FGD5: variants seen among roughly 807,000 people sequenced by gnomAD.
FGD5 encodes the protein FYVE, RhoGEF and PH domain containing 5.
In FGD5, 28 loss-of-function variants were observed where a neutral mutation model predicts 133.4. The observed-to-expected ratio is 0.21, with a 90% CI of 0.16 to 0.29. FGD5 has a LOEUF of 0.29. FGD5 is among the 10% of genes least tolerant of loss of function. The pLI is 1.00. For synonymous variants in FGD5, 810 were observed against 776.5 expected (o/e 1.04, Z -0.72); for missense variants, 1,858 against 1,895.2 (o/e 0.98, Z 0.36).
In FGD5 at chr3:14,922,250, G is replaced by A. The variant is rs531522086; in HGVS notation, c.3670-161G>A. On this transcript the variant is annotated intron_variant, in intron 14 of 19. Transcript: ENST00000285046. This position sits in a 1 kb window ranked among gnomAD's most constrained non-coding sequence, Gnocchi z 4.1. ...CAGTCTGGCTGTTTCCCAACCAAGG[G>A]TGAGCATCCTGGAGGGTGCAGGAGA... 600 of 1,148,972 alleles carry A rather than the reference G, an allele frequency of 5.2e-4. 8 individuals are homozygous for A. The South Asian group carries it at 8.4e-3, about 16-fold the overall frequency. 71.2% of individuals were successfully genotyped at this position (1,148,972 alleles called of 1,614,324 possible). A position where few individuals can be genotyped will look rare whatever the true frequency, so the allele number is the denominator to read the frequency against.
chr3:14,849,077 A>G (rs1009530588), intron 1 of FGD5, among the ~76,000 whole-genome samples: 1 of 152,178 alleles, frequency 6.6e-6, no homozygotes, highest in Non-Finnish European at 1.5e-5. Context: ...TGACAAGAGC[A>G]TGTGTGCACT....
intron 1 of FGD5, among the ~76,000 whole-genome samples, chr3:14,823,947 T>A (rs2036554771): frequency 6.6e-6 from 1 of 152,246 alleles, no homozygotes; most frequent in African/African-American, 2.4e-5. Flanking sequence ...GGATCGTGAC[T>A]GTTTACTGCG....
At chr3:14,863,822 C>G (rs963011707) in intron 1 of FGD5, among the ~76,000 whole-genome samples, 1 of 152,220 alleles carries the variant, frequency 6.6e-6, no homozygotes, top group Non-Finnish European at 1.5e-5. Context: ...CCCAGACCAC[C>G]CAGATTCAAC....
Position 14,819,770 on chromosome 3 carries a change from G to A in FGD5, c.699G>A (p.Ser233=), listed in dbSNP as rs752911103. 3 of 1,548,226 alleles carry A rather than the reference G, an allele frequency of 1.9e-6. No individual in the cohort carries two copies. Among genetic ancestry groups the A allele is most frequent in the Non-Finnish European group, 1.7e-6 (2 of 1,146,108 alleles). ...STDPAGADEG[S]GPDRPTEDMG... ...ACCCAGCAGGGGCAGATGAGGGTTC[G>A]GGTCCTGACAGGCCCACGGAGGACA... is the stretch of plus-strand genomic sequence containing the variant. Residue 233 remains serine (S), a synonymous_variant, in exon 1 of 20, where the codon TCG becomes TCA. Transcript: ENST00000285046. This position sits in a 1 kb window ranked among gnomAD's most constrained non-coding sequence, Gnocchi z 4.1.
At chr3:14,890,453 A>G (rs1042133524) in intron 4 of FGD5, among the ~76,000 whole-genome samples, 3 of 152,164 alleles carry the variant, frequency 2.0e-5, no homozygotes, top group African/African-American at 4.8e-5. Flanking sequence ...TATTTGCTGA[A>G]TGAATAAAGG....
At chr3:14,862,020 G>A (rs2037407242) in intron 1 of FGD5, among the ~76,000 whole-genome samples, 1 of 152,160 alleles carries the variant, frequency 6.6e-6, no homozygotes, top group Non-Finnish European at 1.5e-5. Context: ...GGCCAGCAGA[G>A]GCTGTGCTAG....
chr3:14,926,038 G>A (rs769667096), intron 17 of FGD5, 32 bp from the exon 18 acceptor site: 1 of 1,611,662 alleles, frequency 6.2e-7, no homozygotes, highest in Non-Finnish European at 8.5e-7. Flanking sequence ...GACCACCGGG[G>A]TGGGCTGACC....
chr3:14,858,393 GGATA>G (rs1341887910), intron 1 of FGD5, among the ~76,000 whole-genome samples: 1 of 151,376 alleles, frequency 6.6e-6, no homozygotes, highest in Non-Finnish European at 1.5e-5. Context: ...ATGGATGGAT[GGATA>G]GATAGATGAA....
intron 4 of FGD5, among the ~76,000 whole-genome samples, chr3:14,889,748 G>A (rs567155585): frequency 6.6e-6 from 1 of 152,266 alleles, no homozygotes; most frequent in African/African-American, 2.4e-5. Context: ...TGCTGATTGT[G>A]TAGTGGTGTC....
chr3:14,910,966 C>T (rs1347506803), intron 11 of FGD5, 37 bp downstream of exon 11: 16 of 1,589,718 alleles, frequency 1.0e-5, no homozygotes, highest in Non-Finnish European at 1.3e-5. Flanking sequence ...TCAGGAACTG[C>T]CAAGTTCTAT....
chr3:14,897,056 G>A, intron 4 of FGD5: 1 of 170,558 alleles, frequency 5.9e-6, no homozygotes. Flanking sequence ...TTTAGTGACA[G>A]CTTAATATAC....
At chr3:14,843,891 C>T (rs540772032) in intron 1 of FGD5, among the ~76,000 whole-genome samples, 2 of 151,614 alleles carry the variant, frequency 1.3e-5, no homozygotes, top group African/African-American at 4.8e-5. Flanking sequence ...GATGGGTTTT[C>T]GCCATGTTGG....
chr3:14,853,177 T>C (rs774339109), intron 1 of FGD5, among the ~76,000 whole-genome samples: 11 of 152,296 alleles, frequency 7.2e-5, no homozygotes, highest in Non-Finnish European at 2.9e-5. Flanking sequence ...AAGATTGCAA[T>C]GTCCCTGTGA....
intron 10 of FGD5, among the ~76,000 whole-genome samples, chr3:14,910,089 A>G (rs2038418610): frequency 6.6e-6 from 1 of 152,138 alleles, no homozygotes; most frequent in Non-Finnish European, 1.5e-5. Flanking sequence ...TCATGAAGCC[A>G]AATTTGCAAA....
rs1398567533 is a variant in FGD5, at chr3:14,934,516, G to A, written c.*1349G>A. 6.6e-6 allele frequency: 1 copy of A among 152,066 alleles called. No individual in the cohort carries two copies. Among genetic ancestry groups the A allele is most frequent in the African/African-American group, 2.4e-5 (1 of 41,396 alleles). The allele number at this position is 152,066 out of a possible 1,614,324, so 9.4% of individuals were successfully genotyped here. ...ATTTTCAGGGGAATTTTTTTTTCCAGTTTGCAGTTCTTTTAAAATGTTTGC... is the reference window on the plus strand; with the variant it reads ...ATTTTCAGGGGAATTTTTTTTTCCAATTTGCAGTTCTTTTAAAATGTTTGC... On this transcript the variant is annotated 3_prime_UTR_variant, in exon 20 of 20. Transcript: ENST00000285046.
intron 1 of FGD5, chr3:14,810,965 C>G: frequency 3.2e-6 from 3 of 928,016 alleles, no homozygotes; most frequent in Non-Finnish European, 3.9e-6. Context: ...GCTAGCTGCC[C>G]GAAATCCTCC....
rs1272478513 is a variant in FGD5, at chr3:14,922,463, C to T, written c.3722C>T (p.Pro1241Leu). The T allele has an allele frequency of 1.3e-6, 2 of 1,575,362 alleles. No individual in the cohort carries two copies. The highest frequency in any genetic ancestry group is 1.7e-6 in the Non-Finnish European group (2 of 1,160,694). Residue 1241 changes from proline (P) to leucine (L), a missense_variant, in exon 15 of 20, where the codon CCT (proline) becomes CTT (leucine). Transcript: ENST00000285046. The surrounding 1 kb of genome is among the most constrained non-coding windows in gnomAD (Gnocchi z 4.1). The stretch of plus-strand genomic sequence containing the variant: ...GGGGAGAGGCCCCCCACCCTGGTGC[C>T]TGTCACACACGTCATGATGTGCATG... ...SLGERPPTLV[P>L]VTHVMMCMNC...
rs575772837 is a variant in FGD5, at chr3:14,824,244, G to A, written c.2525+2648G>A. Among the ~76,000 whole-genome samples the A allele has an allele frequency of 5.9e-5, 9 of 152,344 alleles. 1 individual carries two copies. In the East Asian group the frequency reaches 1.3e-3, roughly 23 times the overall value. The stretch of plus-strand genomic sequence containing the variant: ...CCCACTTTGGGCTGGAGCAGGTCTG[G>A]GCAAGGGAGGTTTGAGACGCATATC... On this transcript the variant is annotated intron_variant, in intron 1 of 19. Transcript: ENST00000285046.
At chr3:14,817,994 C>G (rs924142247), upstream of FGD5, among the ~76,000 whole-genome samples, 32 of 152,108 alleles carry the variant, frequency 2.1e-4, no homozygotes, top group African/African-American at 7.5e-4. Flanking sequence ...CTCATTTGAC[C>G]GTTCCCCTTC....
Sources: gnomAD v4.1 joint callset for allele counts (sites outside exome capture counted in the v4.1 genomes callset) on GRCh38, gnomAD v4.1.1 for gene constraint, Gnocchi (gnomAD v3.1) non-coding constraint, MANE v1.5 for transcripts, NCBI Gene and HGNC (gene_info 2026-07-23, HGNC 2026-07-21) for gene names.